Variants in VWC2L observed in about 807,000 individuals in gnomAD.
The protein encoded by VWC2L is von Willebrand factor C domain containing 2 like.
In VWC2L, 10 loss-of-function variants were observed where a neutral mutation model predicts 21.6. The observed-to-expected ratio is 0.46, with a 90% CI of 0.29 to 0.78. The LOEUF (loss-of-function observed/expected upper bound fraction) is 0.78. Among genes scored for constraint, VWC2L ranks in the 30% least tolerant of loss-of-function variants. The probability of loss-of-function intolerance (pLI) is 0.10; values close to 1 mark genes in which losing one functional copy is unlikely to be tolerated. For missense variants in VWC2L, 209 were observed against 277.1 expected, an observed-to-expected ratio of 0.75 and a Z score of 1.74; for synonymous variants, 96 against 94.3, an observed-to-expected ratio of 1.02 and a Z score of -0.10.
At chr2:214,504,746 A>T (rs1688943752) in intron 3 of VWC2L, among the ~76,000 whole-genome samples, 1 of 150,882 alleles carries the variant, frequency 6.6e-6, no homozygotes, top group African/African-American at 2.4e-5. Context: ...AAAGTACTTC[A>T]TAACGTTCAT....
intron 3 of VWC2L, among the ~76,000 whole-genome samples, chr2:214,573,865 G>A (rs1690189111): frequency 6.6e-6 from 1 of 152,224 alleles, no homozygotes; most frequent in African/African-American, 2.4e-5. Flanking sequence ...ACAAGGCCAG[G>A]CGTGGTGGCT....
intron 3 of VWC2L, among the ~76,000 whole-genome samples, chr2:214,524,777 T>G (rs1340511923): frequency 6.6e-6 from 1 of 152,254 alleles, no homozygotes; most frequent in South Asian, 2.1e-4. Flanking sequence ...GACTGAACTC[T>G]TCACAACTTA....
intron 2 of VWC2L, 144 bp downstream of exon 2, chr2:214,414,727 A>T: frequency 1.0e-5 from 9 of 893,200 alleles, no homozygotes; most frequent in Non-Finnish European, 1.1e-5. Context: ...TACCATAAGT[A>T]GCACCATGGT....
intron 3 of VWC2L, among the ~76,000 whole-genome samples, chr2:214,541,687 T>C (rs1321130862): frequency 6.6e-6 from 1 of 152,142 alleles, no homozygotes. Context: ...ACCATGGTTT[T>C]CCCATCTCTA....
chr2:214,458,499 T>C (rs1306247525), intron 3 of VWC2L, among the ~76,000 whole-genome samples: 2 of 152,140 alleles, frequency 1.3e-5, no homozygotes, highest in Non-Finnish European at 2.9e-5. Flanking sequence ...CTTGCTTTTC[T>C]TCTTCCTTAA....
At chr2:214,520,100 T>C (rs866910114) in intron 3 of VWC2L, among the ~76,000 whole-genome samples, 2 of 115,338 alleles carry the variant, frequency 1.7e-5, no homozygotes, top group Admixed American at 9.2e-5. Context: ...CTTATGTAGA[T>C]GTCTTGTGTT....
intron 3 of VWC2L, among the ~76,000 whole-genome samples, chr2:214,520,540 A>C (rs1376267620): frequency 6.6e-6 from 1 of 152,158 alleles, no homozygotes; most frequent in Non-Finnish European, 1.5e-5. Context: ...TAAAATTACC[A>C]GGTCAAAAGG....
intron 3 of VWC2L, among the ~76,000 whole-genome samples, chr2:214,486,712 G>A (rs182098332): frequency 7.9e-5 from 12 of 152,122 alleles, no homozygotes; most frequent in Non-Finnish European, 1.8e-4. Context: ...TTTCTTTACT[G>A]CAACTTTTCC....
chr2:214,518,391 A>T (rs775145337), intron 3 of VWC2L, among the ~76,000 whole-genome samples: 3 of 152,222 alleles, frequency 2.0e-5, no homozygotes, highest in Non-Finnish European at 4.4e-5. Context: ...CACTTGACAC[A>T]TAATAAACAT....
At chr2:214,522,501 C>T (rs1347114594) in intron 3 of VWC2L, among the ~76,000 whole-genome samples, 1 of 151,240 alleles carries the variant, frequency 6.6e-6, no homozygotes, top group Non-Finnish European at 1.5e-5. Flanking sequence ...GTACAGGAGA[C>T]ATTGGGGTAC....
At chr2:214,422,077 A>G (rs1702451880) in intron 2 of VWC2L, among the ~76,000 whole-genome samples, 2 of 150,568 alleles carry the variant, frequency 1.3e-5, no homozygotes, top group African/African-American at 4.9e-5. Flanking sequence ...TTTAGTAGAG[A>G]CGGGGTTTCA....
chr2:214,532,958 T>G (rs1338123870), intron 3 of VWC2L, among the ~76,000 whole-genome samples: 1 of 152,148 alleles, frequency 6.6e-6, no homozygotes, highest in Non-Finnish European at 1.5e-5. Context: ...CTCCTGCATT[T>G]TTTCCTGTGA....
At chr2:214,536,560 T>A (rs12619458) in intron 3 of VWC2L, among the ~76,000 whole-genome samples, 28,595 of 152,022 alleles carry the variant, frequency 0.19, 3,123 homozygotes, top group East Asian at 0.25. Flanking sequence ...TAGAAATGAC[T>A]ATTTGCCCTT....
intron 3 of VWC2L, among the ~76,000 whole-genome samples, chr2:214,501,620 G>A (rs1010788783): frequency 2.0e-5 from 3 of 151,726 alleles, no homozygotes; most frequent in African/African-American, 4.8e-5. Context: ...TACTCGGGAG[G>A]CTGAGGCAGG....
intron 2 of VWC2L, among the ~76,000 whole-genome samples, chr2:214,431,681 G>T (rs2126176632): frequency 6.6e-6 from 1 of 152,270 alleles, no homozygotes; most frequent in African/African-American, 2.4e-5. Context: ...AAATGGACAT[G>T]TTTAAAATCA....
intron 3 of VWC2L, among the ~76,000 whole-genome samples, chr2:214,535,319 T>C (rs1689508487): frequency 6.6e-6 from 1 of 152,114 alleles, no homozygotes; most frequent in South Asian, 2.1e-4. Flanking sequence ...ATAAAATTAA[T>C]GAACATACTA....
intron 3 of VWC2L, among the ~76,000 whole-genome samples, chr2:214,507,527 T>TC (rs1435840868): frequency 6.6e-6 from 1 of 152,208 alleles, no homozygotes; most frequent in Non-Finnish European, 1.5e-5. Flanking sequence ...CTGATGGCAT[T>TC]CCCCAAGGTC....
intron 3 of VWC2L, among the ~76,000 whole-genome samples, chr2:214,490,799 G>A (rs1688735377): frequency 6.6e-6 from 1 of 152,206 alleles, no homozygotes; most frequent in South Asian, 2.1e-4. Context: ...CTCAATTGCT[G>A]CATAGAAGTT....
At chr2:214,471,185 A>G (rs956191981) in intron 3 of VWC2L, among the ~76,000 whole-genome samples, 1 of 152,146 alleles carries the variant, frequency 6.6e-6, no homozygotes, top group Non-Finnish European at 1.5e-5. Context: ...GCTGCATTAC[A>G]TTCCTGGAGT....
Sources: allele counts gnomAD v4.1 joint callset (sites outside exome capture counted in the v4.1 genomes callset), GRCh38; gene constraint gnomAD v4.1.1; transcripts MANE v1.5; gene names NCBI Gene and HGNC (gene_info 2026-07-23, HGNC 2026-07-21).